Variants in LYPD6B observed in about 807,000 individuals in gnomAD.
LYPD6B encodes the protein ly6/PLAUR domain-containing protein 6B.
In LYPD6B, 17 loss-of-function variants were observed where a neutral mutation model predicts 22.8. The observed-to-expected ratio is 0.75, with a 90% CI of 0.51 to 1.12. The LOEUF is 1.12. LYPD6B is among the 50% of genes most tolerant of loss of function. The pLI is 0.00. For missense variants in LYPD6B, 221 were observed against 258.3 expected (o/e 0.86, Z 0.99); for synonymous variants, 106 against 91.6 (o/e 1.16, Z -0.90).
intron 1 of LYPD6B, among the ~76,000 whole-genome samples, chr2:149,077,749 C>T (rs189393090): frequency 2.0e-5 from 3 of 152,312 alleles, no homozygotes; most frequent in African/African-American, 7.2e-5. Context: ...AGTGAGCCAG[C>T]TCTGATTCTC....
Position 149,213,188 on chromosome 2 carries a change from G to T in LYPD6B, c.459+66G>T, listed in dbSNP as rs1054216214. ...CTAGTAATGTAAGTCGTAGATCAAAGGAGAGGCAGGAAGGATAGTAATATG... is the reference window on the plus strand; with the variant it reads ...CTAGTAATGTAAGTCGTAGATCAAATGAGAGGCAGGAAGGATAGTAATATG... On this transcript the variant is annotated intron_variant, in intron 6 of 6. Transcript: ENST00000409642. 1.3e-5 allele frequency: 21 copies of T among 1,583,764 alleles called. No homozygotes were observed. In the East Asian group the frequency reaches 4.5e-4, roughly 34 times the overall value.
At chr2:149,169,267 C>G (rs193224599) in intron 3 of LYPD6B, among the ~76,000 whole-genome samples, 1 of 152,048 alleles carries the variant, frequency 6.6e-6, no homozygotes, top group Non-Finnish European at 1.5e-5. Context: ...TGTCTCTTCC[C>G]CAAAACAGGC....
intron 1 of LYPD6B, among the ~76,000 whole-genome samples, chr2:149,085,731 A>G (rs58900012): frequency 0.056 from 8,524 of 152,326 alleles, 581 homozygotes; most frequent in African/African-American, 0.17. Flanking sequence ...ATGAATAAAT[A>G]TTGCTAAAGT....
At chr2:149,152,478 T>C (rs1240651789) in intron 2 of LYPD6B, among the ~76,000 whole-genome samples, 2 of 152,102 alleles carry the variant, frequency 1.3e-5, no homozygotes, top group Admixed American at 6.6e-5. Flanking sequence ...ATTGGACAAG[T>C]GGGAATGTAG....
chr2:149,043,936 G>C (rs1558964512), intron 1 of LYPD6B, among the ~76,000 whole-genome samples: 1 of 152,060 alleles, frequency 6.6e-6, no homozygotes, highest in Non-Finnish European at 1.5e-5. Context: ...TAATCAATTA[G>C]CTAAAATGTA....
intron 2 of LYPD6B, among the ~76,000 whole-genome samples, chr2:149,133,573 C>G (rs6737636): frequency 1.5e-4 from 23 of 152,082 alleles, no homozygotes; most frequent in Admixed American, 5.9e-4. Context: ...TCAAGAGTAT[C>G]AGAACCACTA....
intron 1 of LYPD6B, among the ~76,000 whole-genome samples, chr2:149,060,957 G>T (rs1283120366): frequency 6.6e-6 from 1 of 152,178 alleles, no homozygotes; most frequent in Non-Finnish European, 1.5e-5. Flanking sequence ...TTCAATTAGT[G>T]ACCTTCCTAC....
At chr2:149,066,020 A>G (rs1684310783) in intron 1 of LYPD6B, among the ~76,000 whole-genome samples, 1 of 152,026 alleles carries the variant, frequency 6.6e-6, no homozygotes, top group Non-Finnish European at 1.5e-5. Flanking sequence ...CCCTAATAAA[A>G]TTTTATTTAC....
chr2:149,060,022 GAGA>G (rs1222452495), intron 1 of LYPD6B, among the ~76,000 whole-genome samples: 1 of 151,862 alleles, frequency 6.6e-6, no homozygotes, highest in Non-Finnish European at 1.5e-5. Flanking sequence ...GGTAGGGAGG[GAGA>G]AGGAGGAGGA....
intron 3 of LYPD6B, among the ~76,000 whole-genome samples, chr2:149,176,848 C>T (rs1234146751): frequency 6.6e-6 from 1 of 152,138 alleles, no homozygotes; most frequent in Non-Finnish European, 1.5e-5. Flanking sequence ...AGAATGCATA[C>T]CTGACAAACT....
At chr2:149,117,903 C>G (rs1340004513) in intron 1 of LYPD6B, among the ~76,000 whole-genome samples, 1 of 152,184 alleles carries the variant, frequency 6.6e-6, no homozygotes, top group Non-Finnish European at 1.5e-5. Context: ...GGATTAGGGT[C>G]TCTCACCAGG....
chr2:149,122,014 A>G (rs1687387489), intron 1 of LYPD6B, among the ~76,000 whole-genome samples: 2 of 152,228 alleles, frequency 1.3e-5, no homozygotes, highest in South Asian at 4.1e-4. Context: ...AGAAAGAAAC[A>G]GACCAAAACA....
At chr2:149,126,334 CA>C (rs1316667734) in intron 1 of LYPD6B, among the ~76,000 whole-genome samples, 3 of 152,132 alleles carry the variant, frequency 2.0e-5, no homozygotes, top group African/African-American at 7.2e-5. Flanking sequence ...CTAACTCCCC[CA>C]AAACTTAACT....
At chr2:149,153,874 A>C (rs1276668966) in intron 2 of LYPD6B, among the ~76,000 whole-genome samples, 1 of 152,132 alleles carries the variant, frequency 6.6e-6, no homozygotes, top group African/African-American at 2.4e-5. Context: ...AAGAGAGGAC[A>C]GACATGATAA....
intron 2 of LYPD6B, chr2:149,131,207 A>G (rs1688008608): frequency 4.4e-6 from 2 of 451,296 alleles, no homozygotes; most frequent in Non-Finnish European, 7.8e-6. Flanking sequence ...ATGTAAAGGT[A>G]GCTGCTGATC....
chr2:149,198,298 TC>T (rs1210558116), intron 3 of LYPD6B, among the ~76,000 whole-genome samples: 2 of 152,172 alleles, frequency 1.3e-5, no homozygotes, highest in Non-Finnish European at 2.9e-5. Flanking sequence ...CACCTTGGCC[TC>T]CCAAAGTGCT....
At chr2:149,069,739 G>C (rs990663597) in intron 1 of LYPD6B, among the ~76,000 whole-genome samples, 1 of 152,018 alleles carries the variant, frequency 6.6e-6, no homozygotes. Context: ...TCTTTCCACA[G>C]CATCACCGAG....
Position 149,041,984 on chromosome 2 carries a change from A to T in LYPD6B, c.-67+3183A>T, listed in dbSNP as rs146990618. 1.9e-3 allele frequency among the ~76,000 whole-genome samples: 293 copies of T among 152,324 alleles called. 1 individual carries two copies. Among genetic ancestry groups the T allele is most frequent in the African/African-American group, 6.5e-3 (271 of 41,570 alleles). ...TTCAGAAGAGTTTCAAACCCTGTGT[A>T]GTTTGAAAAGCCTCACATATGATTT... On this transcript the variant is annotated intron_variant, in intron 1 of 6. Transcript: ENST00000409642.
chr2:149,152,068 A>T (rs1018280507), intron 2 of LYPD6B, among the ~76,000 whole-genome samples: 12 of 152,124 alleles, frequency 7.9e-5, no homozygotes, highest in African/African-American at 2.7e-4. Flanking sequence ...TACCTCCTTC[A>T]TAAAACTCCT....
Sources: allele counts gnomAD v4.1 joint callset (sites outside exome capture counted in the v4.1 genomes callset), GRCh38; gene constraint gnomAD v4.1.1; transcripts MANE v1.5; gene names NCBI Gene and HGNC (gene_info 2026-07-23, HGNC 2026-07-21).